NKAIN2: variants seen among roughly 807,000 people sequenced by gnomAD.
NKAIN2 encodes the protein sodium/potassium-transporting ATPase subunit beta-1-interacting protein 2.
Under a neutral mutation model 32.6 loss-of-function variants are expected in NKAIN2, and 14 were observed. The ratio of observed to expected loss-of-function variants is 0.43; its 90% CI spans 0.28 to 0.67. The LOEUF is 0.67. Ranked by LOEUF, NKAIN2 falls within the 30% of genes least tolerant of loss-of-function variation. The pLI, the probability that NKAIN2 is intolerant of heterozygous loss-of-function variation, is 0.17. For missense variants in NKAIN2, 198 were observed against 258.3 expected (o/e 0.77, Z 1.60); for synonymous variants, 80 against 87.2 (o/e 0.92, Z 0.46).
intron 3 of NKAIN2, among the ~76,000 whole-genome samples, chr6:124,493,914 G>A (rs1777969114): frequency 6.6e-6 from 1 of 151,898 alleles, no homozygotes; most frequent in South Asian, 2.1e-4. Flanking sequence ...CTTATTTTCA[G>A]AGGGAGACTT....
intron 3 of NKAIN2, among the ~76,000 whole-genome samples, chr6:124,460,459 CT>C (rs1221399617): frequency 3.3e-5 from 5 of 149,704 alleles, no homozygotes; most frequent in African/African-American, 1.3e-4. Context: ...TTGAAAATGT[CT>C]TTAGTTAACC....
chr6:124,314,918 G>GATAGAATCTCAT (rs1796879398), intron 2 of NKAIN2, among the ~76,000 whole-genome samples: 1 of 152,088 alleles, frequency 6.6e-6, no homozygotes, highest in Non-Finnish European at 1.5e-5. Context: ...TATCTCATAA[G>GATAGAATCTCAT]TGCCTGGTGC....
chr6:124,052,127 C>T lies in NKAIN2; in HGVS notation c.55-230878C>T, dbSNP rs530700139. ...TTAAATTTTACAGAATTTTCACACA[C>T]GTATTATTTGACCCTCAGAACAACA... On this transcript the variant is annotated intron_variant, in intron 1 of 6. Transcript: ENST00000368417. 1.8e-4 allele frequency among the ~76,000 whole-genome samples: 27 copies of T among 152,172 alleles called. 1 individual carries two copies. The South Asian group carries it at 5.4e-3, about 30-fold the overall frequency.
chr6:124,163,929 A>G (rs1788400757), intron 1 of NKAIN2, among the ~76,000 whole-genome samples: 1 of 152,082 alleles, frequency 6.6e-6, no homozygotes, highest in Non-Finnish European at 1.5e-5. Context: ...AAAGACGAAT[A>G]GAGAGCAGGC....
intron 5 of NKAIN2, among the ~76,000 whole-genome samples, chr6:124,817,901 C>T (rs1781236509): frequency 6.6e-6 from 1 of 152,138 alleles, no homozygotes; most frequent in South Asian, 2.1e-4. Flanking sequence ...TTTACATGAC[C>T]TCCACCATAG....
intron 1 of NKAIN2, among the ~76,000 whole-genome samples, chr6:123,813,831 G>A (rs1773580224): frequency 6.6e-6 from 1 of 151,678 alleles, no homozygotes; most frequent in Admixed American, 6.6e-5. Flanking sequence ...ATGATACATA[G>A]GTGGTATATA....
intron 2 of NKAIN2, among the ~76,000 whole-genome samples, chr6:124,294,835 C>T (rs6942233): frequency 0.1 from 15,830 of 152,124 alleles, 845 homozygotes; most frequent in East Asian, 0.18. Flanking sequence ...CTACACCCCA[C>T]AGCTAAACTT....
chr6:124,264,111 A>G (rs949383983), intron 1 of NKAIN2, among the ~76,000 whole-genome samples: 2 of 152,226 alleles, frequency 1.3e-5, no homozygotes, highest in Non-Finnish European at 1.5e-5. Flanking sequence ...TCACAAAGTA[A>G]AAGTTTATTT....
intron 1 of NKAIN2, among the ~76,000 whole-genome samples, chr6:124,054,049 A>G (rs1444797640): frequency 2.6e-5 from 4 of 152,120 alleles, no homozygotes; most frequent in Non-Finnish European, 5.9e-5. Flanking sequence ...AAAGCATTTT[A>G]TATGTATTAT....
At chr6:124,557,355 A>C (rs1780514497) in intron 3 of NKAIN2, among the ~76,000 whole-genome samples, 1 of 152,060 alleles carries the variant, frequency 6.6e-6, no homozygotes, top group Non-Finnish European at 1.5e-5. Flanking sequence ...CTAAAAAAAA[A>C]CTCTTTGAGT....
At chr6:124,729,989 A>C (rs1776572829) in intron 4 of NKAIN2, among the ~76,000 whole-genome samples, 2 of 144,500 alleles carry the variant, frequency 1.4e-5, no homozygotes, top group African/African-American at 5.2e-5. Flanking sequence ...ATACCTAGGA[A>C]TCCAACTTAC....
intron 3 of NKAIN2, among the ~76,000 whole-genome samples, chr6:124,622,528 G>T (rs1421361623): frequency 6.6e-6 from 1 of 152,168 alleles, no homozygotes; most frequent in East Asian, 1.9e-4. Context: ...CTAGCTCAGT[G>T]GGCACTCTGC....
chr6:124,579,928 T>C (rs2114936759), intron 3 of NKAIN2, among the ~76,000 whole-genome samples: 1 of 152,288 alleles, frequency 6.6e-6, no homozygotes, highest in East Asian at 1.9e-4. Context: ...TGGCATCACA[T>C]ATTTAAAGTG....
chr6:124,489,737 T>G (rs1042217665), intron 3 of NKAIN2, among the ~76,000 whole-genome samples: 1 of 151,852 alleles, frequency 6.6e-6, no homozygotes, highest in Non-Finnish European at 1.5e-5. Context: ...AATTATAAAT[T>G]GAACCATAGT....
chr6:124,058,979 A>G (rs1299318761), intron 1 of NKAIN2, among the ~76,000 whole-genome samples: 2 of 152,064 alleles, frequency 1.3e-5, no homozygotes, highest in Non-Finnish European at 2.9e-5. Context: ...GGTACTATTA[A>G]TAATAAGTTA....
chr6:124,361,419 A>G (rs1799281904), intron 3 of NKAIN2, among the ~76,000 whole-genome samples: 1 of 152,080 alleles, frequency 6.6e-6, no homozygotes, highest in African/African-American at 2.4e-5. Flanking sequence ...CTTTAGAAAT[A>G]AAACAATAAA....
chr6:124,357,921 C>T (rs1183378038), intron 3 of NKAIN2, among the ~76,000 whole-genome samples: 1 of 146,494 alleles, frequency 6.8e-6, no homozygotes, highest in Non-Finnish European at 1.5e-5. Context: ...TGCTATCCCT[C>T]CCCCAACCCG....
chr6:124,431,975 T>C (rs1775237132), intron 3 of NKAIN2, among the ~76,000 whole-genome samples: 2 of 152,144 alleles, frequency 1.3e-5, no homozygotes, highest in South Asian at 4.1e-4. Flanking sequence ...AAGAAGACTT[T>C]GGGAAACAAG....
At chr6:124,072,292 A>G (rs1348153026) in intron 1 of NKAIN2, among the ~76,000 whole-genome samples, 1 of 152,132 alleles carries the variant, frequency 6.6e-6, no homozygotes, top group African/African-American at 2.4e-5. Context: ...TCATGGACAT[A>G]AAGATGGGGA....
Sources: gnomAD v4.1 joint callset for allele counts (sites outside exome capture counted in the v4.1 genomes callset) on GRCh38, gnomAD v4.1.1 for gene constraint, MANE v1.5 for transcripts, NCBI Gene and HGNC (gene_info 2026-07-23, HGNC 2026-07-21) for gene names.